The following NRP2 variants were observed in gnomAD, a reference collection of about 807,000 sequenced individuals.
The protein encoded by NRP2 is neuropilin-2.
A neutral mutation model predicts 110.4 loss-of-function variants in NRP2; 52 were observed. That is an observed-to-expected ratio of 0.47 (90% confidence interval 0.38 to 0.59). NRP2 has a LOEUF of 0.59. NRP2 is among the 20% of genes least tolerant of loss of function. The probability of loss-of-function intolerance (pLI) is 0.00; values close to 1 mark genes in which losing one functional copy is unlikely to be tolerated. For synonymous variants in NRP2, 508 were observed against 468.9 expected (o/e 1.08, Z -1.08); for missense variants, 1,049 against 1,203.0 (o/e 0.87, Z 1.89).
In NRP2 at chr2:205,716,343, C is replaced by T; in HGVS notation, c.402C>T (p.Gly134=). ...CCGACTACGCCCGGCAGGGGGCAGG[C>T]TTCTCTCTGCGCTACGAGATCTTCA... ...FTSDYARQGA[G]FSLRYEIFKT... is the part of the protein sequence containing the mutation. Residue 134 remains glycine (G), a synonymous_variant, in exon 3 of 17, where the codon GGC becomes GGT. Coordinates refer to ENST00000357785, the MANE Select transcript of NRP2 (RefSeq NM_003872.3). 6.2e-7 allele frequency: 1 copy of T among 1,614,106 alleles called. No individual in the cohort carries two copies. Among genetic ancestry groups the T allele is most frequent in the Non-Finnish European group, 8.5e-7 (1 of 1,180,022 alleles).
At chr2:205,750,773 G>A (rs1245810241) in intron 11 of NRP2, among the ~76,000 whole-genome samples, 1 of 152,148 alleles carries the variant, frequency 6.6e-6, no homozygotes, top group Non-Finnish European at 1.5e-5. Context: ...GAGAAGTGAT[G>A]GAGACATAAA....
At chr2:205,741,140 G>C (rs1015500562) in intron 8 of NRP2, among the ~76,000 whole-genome samples, 9 of 152,298 alleles carry the variant, frequency 5.9e-5, no homozygotes, top group African/African-American at 1.7e-4. Flanking sequence ...ACACAAAGGT[G>C]GGCACAACAG....
chr2:205,723,066 C>T (rs1370586418), intron 4 of NRP2, among the ~76,000 whole-genome samples: 2 of 152,240 alleles, frequency 1.3e-5, no homozygotes, highest in Non-Finnish European at 2.9e-5. Flanking sequence ...GGGCTTAACT[C>T]CCGGCTCTGC....
chr2:205,728,353 G>C (rs1477069324), intron 7 of NRP2, among the ~76,000 whole-genome samples: 1 of 152,138 alleles, frequency 6.6e-6, no homozygotes, highest in Non-Finnish European at 1.5e-5. Flanking sequence ...CCCCACCCAG[G>C]ATTCACTGAA....
chr2:205,700,664 C>G (rs937302088), intron 2 of NRP2: 1 of 517,434 alleles, frequency 1.9e-6, no homozygotes, highest in Non-Finnish European at 3.9e-6. Flanking sequence ...CCCAGATAGA[C>G]CTTTTCCCCT....
At chr2:205,687,354 T>TA (rs774257842) in intron 1 of NRP2, among the ~76,000 whole-genome samples, 45 of 152,318 alleles carry the variant, frequency 3.0e-4, no homozygotes, top group Non-Finnish European at 3.8e-4. Flanking sequence ...AAGTAAACTG[T>TA]AAACTCCTAG....
At chr2:205,693,619 C>T (rs2056359447) in intron 1 of NRP2, among the ~76,000 whole-genome samples, 1 of 152,114 alleles carries the variant, frequency 6.6e-6, no homozygotes, top group African/African-American at 2.4e-5. Flanking sequence ...AAGCTGAGCC[C>T]CAGAAAGGTC....
chr2:205,794,908 C>T lies in NRP2; in HGVS notation c.2631C>T (p.Thr877=). Residue 877 remains threonine, a synonymous_variant, in exon 17 of 17, where the codon ACC becomes ACT. Transcript: ENST00000357785. The part of the protein sequence containing the change: ...MSSLGVLLGA[T]CAGLLLYCTC... ...CACTGGGCGTCCTCCTGGGGGCCACCTGTGCAGGCCTCCTGCTCTACTGCA... is the reference window on the plus strand; with the variant it reads ...CACTGGGCGTCCTCCTGGGGGCCACTTGTGCAGGCCTCCTGCTCTACTGCA... The T allele has an allele frequency of 6.2e-7, 1 of 1,614,180 alleles. No homozygotes were observed. The highest frequency in any genetic ancestry group is 8.5e-7 in the Non-Finnish European group (1 of 1,180,026).
chr2:205,749,457 G>C (rs138411455), intron 10 of NRP2, among the ~76,000 whole-genome samples: 3 of 152,100 alleles, frequency 2.0e-5, no homozygotes, highest in Admixed American at 2.0e-4. Flanking sequence ...GTGGCCTTTT[G>C]TGCTAAACTC....
chr2:205,753,430 C>T (rs2105898208), intron 12 of NRP2, among the ~76,000 whole-genome samples: 1 of 152,320 alleles, frequency 6.6e-6, no homozygotes, highest in East Asian at 1.9e-4. Context: ...GCCACTGCTT[C>T]TACACCAAGT....
In NRP2 at chr2:205,792,524, G is replaced by A. The variant is rs141610577; in HGVS notation, c.2476+239G>A. ...ATCTGAAACAGATCCCCTCTTTCCAGTAACTTTTTACCTGGATGGACTTTG... is the reference window on the plus strand; with the variant it reads ...ATCTGAAACAGATCCCCTCTTTCCAATAACTTTTTACCTGGATGGACTTTG... On this transcript the variant is annotated intron_variant, in intron 16 of 16. Transcript: ENST00000357785. Among the ~76,000 whole-genome samples the A allele has an allele frequency of 2.6e-5, 4 of 152,292 alleles. No homozygotes were observed. In the East Asian group the frequency reaches 7.7e-4, roughly 29 times the overall value.
intron 15 of NRP2, chr2:205,777,148 C>T (rs1427635860): frequency 2.0e-6 from 2 of 986,802 alleles, no homozygotes; most frequent in Non-Finnish European, 2.4e-6. Flanking sequence ...CTTTTTGTTG[C>T]CTTATCTAGC....
chr2:205,741,081 A>T (rs1304288271), intron 8 of NRP2, among the ~76,000 whole-genome samples: 2 of 151,850 alleles, frequency 1.3e-5, no homozygotes, highest in Non-Finnish European at 1.5e-5. Context: ...TTCAAATAAC[A>T]CTCTCTGCTG....
At chr2:205,780,832 A>C (rs2058165782) in intron 15 of NRP2, among the ~76,000 whole-genome samples, 1 of 152,190 alleles carries the variant, frequency 6.6e-6, no homozygotes, top group Non-Finnish European at 1.5e-5. Context: ...ATCTTACAGG[A>C]AGTTCTGTTA....
rs1240188753 is a variant in NRP2, at chr2:205,682,563, A to T, written c.-728A>T. 2 of 154,068 alleles carry T rather than the reference A, an allele frequency of 1.3e-5. No individual in the cohort carries two copies. Among genetic ancestry groups the T allele is most frequent in the Admixed American group, 6.5e-5 (1 of 15,330 alleles). The allele number at this position is 154,068 out of a possible 1,614,324, so 9.5% of individuals were successfully genotyped here. A position where few individuals can be genotyped will look rare whatever the true frequency, so the allele number is the denominator to read the frequency against. On this transcript the variant is annotated 5_prime_UTR_variant, in exon 1 of 17. Transcript: ENST00000357785. This position sits in a 1 kb window ranked among gnomAD's most constrained non-coding sequence, Gnocchi z 4.3. ...CCAGCACATCCTCAGCCGCACAGAC[A>T]CTCGGCGAGGTGGAGGTGAGGGCGG...
chr2:205,697,816 C>A lies in NRP2; in HGVS notation c.251+95C>A. The A allele has an allele frequency of 6.5e-6, 8 of 1,227,038 alleles. No individual in the cohort carries two copies. The South Asian group carries it at 8.4e-5, about 13-fold the overall frequency. The allele number at this position is 1,227,038 out of a possible 1,614,324, so 76.0% of individuals were successfully genotyped here. A position where few individuals can be genotyped will look rare whatever the true frequency, so the allele number is the denominator to read the frequency against. On this transcript the variant is annotated intron_variant, in intron 2 of 16. Transcript: ENST00000357785. ...TTGTCACTTCTATCACCCCTCACCC[C>A]AAGACCTGCTGCTAACCAGTGGTGG...
At chr2:205,794,420 T>C (rs1042856611) in intron 16 of NRP2, among the ~76,000 whole-genome samples, 5 of 152,200 alleles carry the variant, frequency 3.3e-5, no homozygotes, top group African/African-American at 9.7e-5. Context: ...TCAAATTATT[T>C]AAATATCGGA....
chr2:205,716,820 GAC>G (rs1421880819), intron 3 of NRP2, among the ~76,000 whole-genome samples: 2 of 152,100 alleles, frequency 1.3e-5, no homozygotes, highest in Admixed American at 1.3e-4. Context: ...ATCTTGCCAT[GAC>G]CTCCCAAATG....
At chr2:205,696,262 C>T (rs1448164677) in intron 1 of NRP2, among the ~76,000 whole-genome samples, 1 of 152,120 alleles carries the variant, frequency 6.6e-6, no homozygotes, top group Non-Finnish European at 1.5e-5. Flanking sequence ...TAAAGTGCAC[C>T]TGTAGAGTTA....
Sources: gnomAD v4.1 joint callset for allele counts (sites outside exome capture counted in the v4.1 genomes callset) on GRCh38, gnomAD v4.1.1 for gene constraint, Gnocchi (gnomAD v3.1) non-coding constraint, MANE v1.5 for transcripts, NCBI Gene and HGNC (gene_info 2026-07-23, HGNC 2026-07-21) for gene names.